Variants in DOT1L observed in about 807,000 individuals in gnomAD.
DOT1L encodes the protein histone-lysine N-methyltransferase, H3 lysine-79 specific.
DOT1L carries 33 observed loss-of-function variants against 153.3 expected under a neutral mutation model. The observed-to-expected ratio is 0.22, with a 90% confidence interval of 0.16 to 0.29. DOT1L has a LOEUF of 0.29. Ranked by LOEUF, DOT1L falls within the 10% of genes least tolerant of loss-of-function variation. The probability of loss-of-function intolerance (pLI) is 1.00; values close to 1 mark genes in which losing one functional copy is unlikely to be tolerated. For synonymous variants in DOT1L, 1,135 were observed against 965.1 expected, an observed-to-expected ratio of 1.18 and a Z score of -3.26; for missense variants, 1,847 against 2,119.9, an observed-to-expected ratio of 0.87 and a Z score of 2.53.
In DOT1L at chr19:2,192,672, CAAAAAAA is replaced by C. The variant is rs71176526; in HGVS notation, c.494-1003_494-997del. Reference sequence around the variant, plus strand: ...TGGGTGACAGAGTGAGACTCCGTCTCAAAAAAAAAAAAAAAAAAAATGGGGCATATCT... The same window carrying C: ...TGGGTGACAGAGTGAGACTCCGTCTCAAAAAAAAAAAAATGGGGCATATCT... On this transcript the variant is annotated intron_variant, in intron 5 of 27. Coordinates refer to ENST00000398665, the MANE Select transcript of DOT1L (RefSeq NM_032482.3). Among the ~76,000 whole-genome samples the C allele has an allele frequency of 1.5e-3, 147 of 95,108 alleles. 1 individual carries two copies. The highest frequency in any genetic ancestry group is 2.7e-3 in the Non-Finnish European group (127 of 47,172). 62.4% of individuals were successfully genotyped at this position (95,108 alleles called of 152,430 possible).
chr19:2,231,617 T>G lies in DOT1L; in HGVS notation c.*1825T>G. On this transcript the variant is annotated 3_prime_UTR_variant, in exon 28 of 28. Transcript: ENST00000398665. The stretch of plus-strand genomic sequence containing the variant: ...CCCACCCCACGTTGGTGCTCTCAGC[T>G]AGAAGGTGCTGTGCCTCTGCCTGAG... 1 of 206,334 alleles carries G rather than the reference T, an allele frequency of 4.8e-6. No homozygotes were observed. 12.8% of individuals were successfully genotyped at this position (206,334 alleles called of 1,614,324 possible).
At chr19:2,169,189 T>C (rs894574555) in intron 1 of DOT1L, among the ~76,000 whole-genome samples, 3 of 151,982 alleles carry the variant, frequency 2.0e-5, no homozygotes, top group Non-Finnish European at 4.4e-5. Flanking sequence ...CAGCAGTGAG[T>C]AGCAGCCGGG....
chr19:2,172,869 G>A (rs966107051), intron 1 of DOT1L, among the ~76,000 whole-genome samples: 1 of 151,406 alleles, frequency 6.6e-6, no homozygotes, highest in East Asian at 2.0e-4. Flanking sequence ...AAGTTCACCT[G>A]TTTTAGGCTG....
Position 2,217,228 on chromosome 19 carries a change from G to T in DOT1L, c.2544+138G>T. ...TGGGGCTGACCTGGAGTAGGATGTT[G>T]TGGCAGAGTTGGGGGCAACCAGTAA... is the stretch of plus-strand genomic sequence containing the variant. On this transcript the variant is annotated intron_variant, in intron 21 of 27. Coordinates refer to ENST00000398665, the MANE Select transcript of DOT1L (RefSeq NM_032482.3). The surrounding 1 kb of genome is among the most constrained non-coding windows in gnomAD (Gnocchi z 7.3). 3 of 1,278,616 alleles carry T rather than the reference G, an allele frequency of 2.3e-6. No individual in the cohort carries two copies. Among genetic ancestry groups the T allele is most frequent in the Non-Finnish European group, 3.1e-6 (3 of 962,246 alleles). The allele number at this position is 1,278,616 out of a possible 1,614,324, so 79.2% of individuals were successfully genotyped here. A position where few individuals can be genotyped will look rare whatever the true frequency, so the allele number is the denominator to read the frequency against.
rs1304827091 is a variant in DOT1L at position 2,225,075 on chromosome 19, A to T, written c.3597-313A>T. On this transcript the variant is annotated intron_variant, in intron 25 of 27. Transcript: ENST00000398665. ...AGGTAGGAAGAGAGCTCTGTCTGGG[A>T]TTCTCACACTTCTGTGTGCTGGGAA... 9.2e-5 allele frequency among the ~76,000 whole-genome samples: 14 copies of T among 152,294 alleles called. No individual in the cohort carries two copies. The East Asian group carries it at 2.7e-3, about 29-fold the overall frequency.
intron 1 of DOT1L, among the ~76,000 whole-genome samples, chr19:2,170,113 G>A (rs1023295644): frequency 1.3e-4 from 20 of 152,326 alleles, no homozygotes; most frequent in African/African-American, 4.3e-4. Flanking sequence ...CAGACTGGTC[G>A]ACAGAGTGAG....
chr19:2,186,146 C>G (rs2022497172), intron 3 of DOT1L, among the ~76,000 whole-genome samples: 1 of 152,240 alleles, frequency 6.6e-6, no homozygotes, highest in African/African-American at 2.4e-5. Context: ...ATTGGAAACT[C>G]CGGTTGTGGA....
chr19:2,183,970 T>C lies in DOT1L; in HGVS notation c.126-1885T>C, dbSNP rs562484690. Among the ~76,000 whole-genome samples, 164 of 152,222 alleles carry C rather than the reference T, an allele frequency of 1.1e-3. 4 individuals carry two copies. Among genetic ancestry groups the C allele is most frequent in the Middle Eastern group, 3.4e-3 (1 of 294 alleles). Reference sequence around the variant, plus strand: ...CATTTTGACAATCCTTTGCTGCTAGTATGTGTAAAGACTGCTCCCTTTTGC... The same window carrying C: ...CATTTTGACAATCCTTTGCTGCTAGCATGTGTAAAGACTGCTCCCTTTTGC... On this transcript the variant is annotated intron_variant, in intron 2 of 27. Coordinates refer to ENST00000398665, the MANE Select transcript of DOT1L (RefSeq NM_032482.3).
rs1014258009 is a variant in DOT1L, at chr19:2,222,689, A to G, written c.3390+130A>G. On this transcript the variant is annotated intron_variant, in intron 24 of 27. Transcript: ENST00000398665. This position sits in a 1 kb window ranked among gnomAD's most constrained non-coding sequence, Gnocchi z 6.5. ...GCCGAGGCGGGTGGATCACAAGATC[A>G]GGACATCAAGACCATCCTGGCTAAC... 9.2e-6 allele frequency: 8 copies of G among 865,640 alleles called. No homozygotes were observed. Among genetic ancestry groups the G allele is most frequent in the Admixed American group, 2.9e-5 (1 of 34,140 alleles). The allele number at this position is 865,640 out of a possible 1,614,324, so 53.6% of individuals were successfully genotyped here.
At chr19:2,189,480 C>G (rs1433328782) in intron 3 of DOT1L, among the ~76,000 whole-genome samples, 1 of 152,224 alleles carries the variant, frequency 6.6e-6, no homozygotes, top group Non-Finnish European at 1.5e-5. Flanking sequence ...CTGGGCAGGT[C>G]CAGACTGCCT....
Position 2,227,057 on chromosome 19 carries a change from C to G in DOT1L, c.4536C>G (p.Ser1512=). Residue 1512 remains serine (S), a synonymous_variant, in exon 27 of 28, where the codon TCC becomes TCG. Transcript: ENST00000398665. ...PAAAGLVHVS[S]AATRLTNSHA... ...CCGCAGGCCTGGTGCACGTGTCGTCCGCTGCCACCAGACTGACCAACTCGC... is the reference window on the plus strand; with the variant it reads ...CCGCAGGCCTGGTGCACGTGTCGTCGGCTGCCACCAGACTGACCAACTCGC... The G allele has an allele frequency of 6.4e-7, 1 of 1,573,548 alleles. No individual in the cohort carries two copies. Among genetic ancestry groups the G allele is most frequent in the Admixed American group, 1.7e-5 (1 of 57,366 alleles).
At chr19:2,199,083 G>T (rs577659420) in intron 7 of DOT1L, among the ~76,000 whole-genome samples, 1 of 152,250 alleles carries the variant, frequency 6.6e-6, no homozygotes, top group Non-Finnish European at 1.5e-5. Context: ...AGGTGGTAGT[G>T]TTTTTGAAGG....
At position 2,202,797 on chromosome 19, in the gene DOT1L, C is replaced by T; in HGVS notation, c.787+18C>T. On this transcript the variant is annotated intron_variant, in intron 9 of 27. Coordinates refer to ENST00000398665, the MANE Select transcript of DOT1L (RefSeq NM_032482.3). ...GAAGGAAGGTAAGGCGCCCTCCTCG[C>T]CGGTCTGTGCTGGTGTGACATGATT... is the stretch of plus-strand genomic sequence containing the variant. 6.2e-7 allele frequency: 1 copy of T among 1,614,018 alleles called. No individual in the cohort carries two copies. Among genetic ancestry groups the T allele is most frequent in the South Asian group, 1.1e-5 (1 of 91,080 alleles).
chr19:2,206,634 G>T, intron 9 of DOT1L, 95 bp from the exon 10 acceptor site: 2 of 1,238,716 alleles, frequency 1.6e-6, no homozygotes, highest in Non-Finnish European at 1.2e-6. Context: ...GTGTGTGTGT[G>T]TTCCGTGTCA....
chr19:2,199,315 G>A (rs772833511), intron 7 of DOT1L, among the ~76,000 whole-genome samples: 18 of 152,318 alleles, frequency 1.2e-4, no homozygotes, highest in Non-Finnish European at 1.9e-4. Context: ...AGGGACTGGC[G>A]GCTCAGCTTC....
At chr19:2,229,329 C>G (rs1009798518) in intron 27 of DOT1L, 1 of 985,342 alleles carries the variant, frequency 1.0e-6, no homozygotes, top group Non-Finnish European at 1.2e-6. Context: ...GGCCTTCTGC[C>G]TCAGGGGCCC....
At chr19:2,201,626 C>T (rs2023285103) in intron 8 of DOT1L, among the ~76,000 whole-genome samples, 1 of 152,238 alleles carries the variant, frequency 6.6e-6, no homozygotes, top group East Asian at 1.9e-4. Flanking sequence ...GGGAATCGTG[C>T]TGACCCTGTG....
In DOT1L at chr19:2,231,255, T is replaced by C. The variant is rs1181620395; in HGVS notation, c.*1463T>C. On this transcript the variant is annotated 3_prime_UTR_variant, in exon 28 of 28. Coordinates refer to ENST00000398665, the MANE Select transcript of DOT1L (RefSeq NM_032482.3). ...TGAGCCCACCTTCTCAAGTGCTTGC[T>C]CCTGTGAGATGGCATCGGGGAGCCC... The C allele has an allele frequency of 8.8e-6, 2 of 226,782 alleles. No homozygotes were observed. The highest frequency in any genetic ancestry group is 1.8e-5 in the Non-Finnish European group (2 of 114,088). The allele number at this position is 226,782 out of a possible 1,614,324, so 14.0% of individuals were successfully genotyped here.
intron 22 of DOT1L, among the ~76,000 whole-genome samples, chr19:2,219,246 G>T (rs373416788): frequency 1.6e-4 from 24 of 152,234 alleles, no homozygotes; most frequent in African/African-American, 5.5e-4. Context: ...GGCCTCAGTC[G>T]ACCCACCCGC....
Sources: gnomAD v4.1 joint callset for allele counts (sites outside exome capture counted in the v4.1 genomes callset) on GRCh38, gnomAD v4.1.1 for gene constraint, Gnocchi (gnomAD v3.1) non-coding constraint, MANE v1.5 for transcripts, NCBI Gene and HGNC (gene_info 2026-07-23, HGNC 2026-07-21) for gene names.